Variants in GJA8 observed in about 807,000 individuals in gnomAD.
GJA8 encodes the protein gap junction alpha-8 protein.
In GJA8, 13 loss-of-function variants were observed where a neutral mutation model predicts 15.3. The observed-to-expected ratio is 0.85, with a 90% CI of 0.55 to 1.35. The LOEUF (loss-of-function observed/expected upper bound fraction) is 1.35, where lower values mean the gene tolerates loss of function less well. Ranked by LOEUF, GJA8 falls within the 40% of genes most tolerant of loss-of-function variation. The pLI is 0.00. For synonymous variants in GJA8, 304 were observed against 238.7 expected (o/e 1.27, Z -2.52); for missense variants, 607 against 553.3 (o/e 1.10, Z -0.97).
chr1:147,907,747 G>A (rs1289672209), intron 1 of GJA8, among the ~76,000 whole-genome samples, 198 bp from the exon 2 acceptor site: 3 of 152,106 alleles, frequency 2.0e-5, no homozygotes, highest in East Asian at 1.9e-4. Context: ...ATGAGGAAGC[G>A]GATGGAAGCA....
chr1:147,908,821 C>A lies in GJA8; in HGVS notation c.866C>A (p.Thr289Asn). 6.2e-7 allele frequency: 1 copy of A among 1,614,180 alleles called. No homozygotes were observed. The highest frequency in any genetic ancestry group is 8.5e-7 in the Non-Finnish European group (1 of 1,180,032). ...FPLTEVGMVETSPLPAKPFNQ... is the reference protein window; with the variant it reads ...FPLTEVGMVENSPLPAKPFNQ... ...TTGACCGAGGTTGGGATGGTGGAGA[C>A]CAGCCCACTGCCTGCCAAGCCTTTC... is the stretch of plus-strand genomic sequence containing the variant. Residue 289 changes from threonine (T) to asparagine (N), a missense_variant, in exon 2 of 2, where the codon ACC becomes AAC. Physicochemically the swap from Thr to Asn is moderately conservative, Grantham distance 65. Transcript: ENST00000369235.
Position 147,908,310 on chromosome 1 carries a change from G to T in GJA8, c.355G>T (p.Gly119Trp). The T allele has an allele frequency of 6.2e-7, 1 of 1,614,198 alleles. No individual in the cohort carries two copies. Among genetic ancestry groups the T allele is most frequent in the Non-Finnish European group, 8.5e-7 (1 of 1,180,036 alleles). ...REAEELGQQA[G>W]TNGGPDQGSV... ...GGCGGAGGAGCTGGGCCAGCAGGCG[G>T]GGACTAACGGCGGCCCGGACCAGGG... is the stretch of plus-strand genomic sequence containing the variant. Residue 119 changes from glycine (G) to tryptophan (W), a missense_variant, in exon 2 of 2, where the codon GGG becomes TGG. By Grantham distance (184) the Gly-to-Trp change is radical. Coordinates refer to ENST00000369235, the MANE Select transcript of GJA8 (RefSeq NM_005267.5).
At chr1:147,909,987 G>C (rs1553243263), downstream of GJA8, among the ~76,000 whole-genome samples, 2 of 152,090 alleles carry the variant, frequency 1.3e-5, no homozygotes. Context: ...AGCCTCCCAA[G>C]TAGCTGGGAC....
Position 147,908,546 on chromosome 1 carries a change from C to G in GJA8, c.591C>G (p.Ser197=), listed in dbSNP as rs781839405. 2 of 1,614,052 alleles carry G rather than the reference C, an allele frequency of 1.2e-6. No individual in the cohort carries two copies. The highest frequency in any genetic ancestry group is 1.3e-5 in the African/African-American group (1 of 74,916). The change falls in exon 2 of 2, where the codon TCC becomes TCG. Residue 197 remains serine (S), a synonymous_variant. Coordinates refer to ENST00000369235, the MANE Select transcript of GJA8 (RefSeq NM_005267.5). ...CCAATGTGGTGGACTGCTTCGTGTC[C>G]CGGCCCACGGAGAAAACCATCTTCA... ...PCPNVVDCFV[S]RPTEKTIFIL... is the part of the protein sequence containing the mutation.
intron 1 of GJA8, among the ~76,000 whole-genome samples, chr1:147,907,332 C>T (rs1371234245): frequency 3.3e-5 from 5 of 152,190 alleles, no homozygotes; most frequent in Non-Finnish European, 1.5e-5. Context: ...TACAGTCTAG[C>T]AGGATCAAGT....
chr1:147,908,367 A>T lies in GJA8; in HGVS notation c.412A>T (p.Thr138Ser), dbSNP rs1651901482. The change falls in exon 2 of 2, where the codon ACT (threonine) becomes TCT (serine). Residue 138 changes from threonine to serine, a missense_variant. Coordinates refer to ENST00000369235, the MANE Select transcript of GJA8 (RefSeq NM_005267.5). The stretch of plus-strand genomic sequence containing the variant: ...CAAGAAGAGCAGCGGCAGCAAAGGC[A>T]CTAAGAAGTTCCGGCTGGAGGGGAC... ...SVKKSSGSKGTKKFRLEGTLL... is the reference protein window; with the variant it reads ...SVKKSSGSKGSKKFRLEGTLL... The T allele has an allele frequency of 1.9e-6, 3 of 1,614,104 alleles. No homozygotes were observed. Among genetic ancestry groups the T allele is most frequent in the Non-Finnish European group, 2.5e-6 (3 of 1,180,046 alleles).
chr1:147,908,839 A>C lies in GJA8; in HGVS notation c.884A>C (p.Lys295Thr). The C allele has an allele frequency of 6.2e-7, 1 of 1,614,198 alleles. No individual in the cohort carries two copies. The highest frequency in any genetic ancestry group is 8.5e-7 in the Non-Finnish European group (1 of 1,180,028). ...GTGGAGACCAGCCCACTGCCTGCCA[A>C]GCCTTTCAATCAGTTCGAGGAGAAG... The part of the protein sequence containing the change: ...GMVETSPLPA[K>T]PFNQFEEKIS... The change falls in exon 2 of 2, where the codon AAG becomes ACG. Residue 295 changes from lysine to threonine, a missense_variant. Lys to Thr is a moderately conservative substitution (Grantham distance 78, BLOSUM62 -1). Transcript: ENST00000369235.
At position 147,909,073 on chromosome 1, in the gene GJA8, A is replaced by AG; in HGVS notation, c.1119dup (p.Thr374AspfsTer6). The AG allele has an allele frequency of 6.2e-7, 1 of 1,607,476 alleles. No homozygotes were observed. The highest frequency in any genetic ancestry group is 8.5e-7 in the Non-Finnish European group (1 of 1,176,742). On this transcript the variant is annotated frameshift_variant, in exon 2 of 2. Transcript: ENST00000369235. LOFTEE classifies it high-confidence loss of function. ...GCCGTGCCAGAGGGGGAGAAAGTAG[A>AG]GACCCCCGGAGTGGATAAGGAGGGT...
At chr1:147,907,893 T>A (rs1651859955) in intron 1 of GJA8, 52 bp from the exon 2 acceptor site, 1 of 1,273,294 alleles carries the variant, frequency 7.9e-7, no homozygotes, top group Non-Finnish European at 1.1e-6. Flanking sequence ...AGATATTGAC[T>A]CAGGGTTGCA....
At chr1:147,907,865 C>T in intron 1 of GJA8, 80 bp from the exon 2 acceptor site, 1 of 976,650 alleles carries the variant, frequency 1.0e-6, no homozygotes, top group Non-Finnish European at 1.6e-6. Flanking sequence ...AGGAGAGGTA[C>T]CCCGCGTTAG....
intron 1 of GJA8, among the ~76,000 whole-genome samples, chr1:147,906,232 G>A (rs587751279): frequency 1.3e-5 from 2 of 152,372 alleles, no homozygotes; most frequent in East Asian, 1.9e-4. Flanking sequence ...TCTAACATGG[G>A]CTCTTGCCCT....
rs1553242857 is a variant in GJA8, at chr1:147,908,801, C to A, written c.846C>A (p.Thr282=). Residue 282 remains threonine, a synonymous_variant, in exon 2 of 2, where the codon ACC becomes ACA. Coordinates refer to ENST00000369235, the MANE Select transcript of GJA8 (RefSeq NM_005267.5). ...EKIVSHYFPL[T]EVGMVETSPL... Reference sequence around the variant, plus strand: ...TCGTTTCCCACTATTTCCCCTTGACCGAGGTTGGGATGGTGGAGACCAGCC... The same window carrying A: ...TCGTTTCCCACTATTTCCCCTTGACAGAGGTTGGGATGGTGGAGACCAGCC... 1.9e-6 allele frequency: 3 copies of A among 1,614,050 alleles called. No homozygotes were observed. The highest frequency in any genetic ancestry group is 3.3e-5 in the Admixed American group (2 of 60,006).
At chr1:147,909,892 C>G (rs587705322), downstream of GJA8, among the ~76,000 whole-genome samples, 2 of 152,278 alleles carry the variant, frequency 1.3e-5, no homozygotes, top group South Asian at 2.1e-4. Context: ...TAGACAGGCT[C>G]TCTCTTGCCC....
In GJA8 at chr1:147,907,935, A is replaced by G. The variant is rs1651864294; in HGVS notation, c.-11-10A>G. On this transcript the variant is annotated splice_polypyrimidine_tract_variant and intron_variant, in intron 1 of 1. Transcript: ENST00000369235. ...CCGCTCAGCTCTTGCCTTCTCCCTC[A>G]TTTCTTCAGGTGGGTGAGAAATGGG... The G allele has an allele frequency of 2.5e-6, 4 of 1,603,692 alleles. No homozygotes were observed. Among genetic ancestry groups the G allele is most frequent in the Non-Finnish European group, 3.4e-6 (4 of 1,170,954 alleles).
downstream of GJA8, among the ~76,000 whole-genome samples, chr1:147,913,778 G>T (rs1652273478): frequency 6.6e-6 from 1 of 152,108 alleles, no homozygotes. Context: ...TGCATACTGT[G>T]TGCAAATGAT....
Position 147,908,471 on chromosome 1 carries a change from G to C in GJA8, c.516G>C (p.Leu172=), listed in dbSNP as rs371059962. ...EVGFIVGHYF[L]YGFRILPLYR... Reference sequence around the variant, plus strand: ...GCTTCATCGTGGGCCACTACTTCCTGTACGGGTTCCGGATCCTGCCTCTGT... The same window carrying C: ...GCTTCATCGTGGGCCACTACTTCCTCTACGGGTTCCGGATCCTGCCTCTGT... The change falls in exon 2 of 2, where the codon CTG becomes CTC. Residue 172 remains leucine (L), a synonymous_variant. Transcript: ENST00000369235. 1.9e-5 allele frequency: 30 copies of C among 1,614,198 alleles called. No homozygotes were observed. In the African/African-American group the frequency reaches 3.2e-4, roughly 17 times the overall value.
chr1:147,908,186 C>G lies in GJA8; in HGVS notation c.231C>G (p.Leu77=). ...DEAFPISHIR[L]WVLQIIFVST... ...CCTTTCCCATCTCCCACATTCGCCT[C>G]TGGGTGCTGCAGATCATCTTCGTCT... Residue 77 remains leucine (L), a synonymous_variant, in exon 2 of 2, where the codon CTC becomes CTG. Transcript: ENST00000369235. The G allele has an allele frequency of 6.2e-7, 1 of 1,614,234 alleles. No individual in the cohort carries two copies.
chr1:147,906,019 C>T (rs1007042988), intron 1 of GJA8, among the ~76,000 whole-genome samples: 1 of 152,282 alleles, frequency 6.6e-6, no homozygotes, highest in African/African-American at 2.4e-5. Context: ...CCTGACAGCA[C>T]AGGCTGGACA....
intron 1 of GJA8, among the ~76,000 whole-genome samples, chr1:147,903,915 A>C (rs1651696429): frequency 6.8e-6 from 1 of 147,752 alleles, no homozygotes; most frequent in Admixed American, 6.9e-5. Context: ...CTGTAGTTGT[A>C]GTTAGTAATT....
Sources: gnomAD v4.1 joint callset for allele counts (sites outside exome capture counted in the v4.1 genomes callset) on GRCh38, gnomAD v4.1.1 for gene constraint, MANE v1.5 for transcripts, NCBI Gene and HGNC (gene_info 2026-07-23, HGNC 2026-07-21) for gene names.